The following HSPD1 variants were observed in gnomAD, a reference collection of about 807,000 sequenced individuals.
The protein encoded by HSPD1 is heat shock protein family D (Hsp60) member 1.
A neutral mutation model predicts 53.0 loss-of-function variants in HSPD1; 3 were observed. The observed-to-expected ratio is 0.06, with a 90% confidence interval of 0.03 to 0.15. HSPD1 has a LOEUF of 0.15. Ranked by LOEUF, HSPD1 falls within the 10% of genes least tolerant of loss-of-function variation. The pLI is 1.00. For missense variants in HSPD1, 431 were observed against 694.1 expected, an observed-to-expected ratio of 0.62 and a Z score of 4.26; for synonymous variants, 200 against 228.0, an observed-to-expected ratio of 0.88 and a Z score of 1.10.
intron 2 of HSPD1, among the ~76,000 whole-genome samples, chr2:197,498,360 C>T (rs2086186485): frequency 1.3e-5 from 2 of 152,314 alleles, no homozygotes; most frequent in Middle Eastern, 3.4e-3. Flanking sequence ...GCATGAACTA[C>T]TGGGAAAGGA....
intron 4 of HSPD1, 43 bp downstream of exon 4, chr2:197,495,251 A>G (rs1225165479): frequency 1.7e-6 from 2 of 1,158,928 alleles, no homozygotes; most frequent in East Asian, 2.3e-5. Context: ...CACACATGCC[A>G]TTAAATTTTT....
chr2:197,495,062 T>C (rs1001301186), intron 4 of HSPD1: 1 of 602,790 alleles, frequency 1.7e-6, no homozygotes, highest in African/African-American at 1.9e-5. Context: ...TTCACAATCA[T>C]ATGAATCCAT....
At chr2:197,500,120 G>T (rs2086228413), upstream of HSPD1, 1 of 460,232 alleles carries the variant, frequency 2.2e-6, no homozygotes, top group African/African-American at 2.0e-5. Context: ...GGGTCAAATC[G>T]CGTCATTTCC....
At chr2:197,497,447 T>C in intron 2 of HSPD1, 55 bp from the exon 3 acceptor site, 1 of 1,574,548 alleles carries the variant, frequency 6.4e-7, no homozygotes, top group Non-Finnish European at 8.7e-7. Context: ...ATTTACATTT[T>C]TAAAAATGAG....
chr2:197,496,230 G>A (rs1198861082), intron 3 of HSPD1, among the ~76,000 whole-genome samples: 2 of 152,088 alleles, frequency 1.3e-5, no homozygotes, highest in African/African-American at 4.8e-5. Flanking sequence ...AATAGTGCTA[G>A]CTCTCTTGTT....
intron 7 of HSPD1, among the ~76,000 whole-genome samples, chr2:197,492,103 G>C (rs2106074323): frequency 6.6e-6 from 1 of 152,366 alleles, no homozygotes; most frequent in East Asian, 1.9e-4. Flanking sequence ...GCTGCAGTGA[G>C]CTATGATCGT....
At position 197,494,744 on chromosome 2, in the gene HSPD1, C is replaced by T. The variant is rs764674576; in HGVS notation, c.519G>A (p.Thr173=). The change falls in exon 5 of 12, where the codon ACG becomes ACA. Residue 173 remains threonine, a synonymous_variant. Coordinates refer to ENST00000388968, the MANE Select transcript of HSPD1 (RefSeq NM_002156.5). ...TTTCTTTGTCTCCGTTTGCAGAAAT[C>T]GTAGCAACCTGAAATAATCCAGTTA... ...TTPEEIAQVA[T]ISANGDKEIG... is the part of the protein sequence containing the mutation. 1.2e-5 allele frequency: 20 copies of T among 1,608,006 alleles called. No homozygotes were observed. Among genetic ancestry groups the T allele is most frequent in the African/African-American group, 6.7e-5 (5 of 74,898 alleles).
intron 7 of HSPD1, 28 bp downstream of exon 7, chr2:197,493,296 T>TCTCC: frequency 6.3e-7 from 1 of 1,590,444 alleles, no homozygotes; most frequent in Non-Finnish European, 8.6e-7. Context: ...CCGAGAAATA[T>TCTCC]AAATCAACAA....
At chr2:197,498,640 A>G in intron 2 of HSPD1, 35 bp downstream of exon 2, 2 of 1,572,964 alleles carry the variant, frequency 1.3e-6, no homozygotes, top group Non-Finnish European at 1.8e-6. Context: ...GCTATTAATA[A>G]TACCGTAATT....
upstream of HSPD1, chr2:197,500,269 C>A (rs915509814): frequency 1.2e-6 from 1 of 865,646 alleles, no homozygotes; most frequent in Non-Finnish European, 1.8e-6. Context: ...CGGTGCGCGT[C>A]GGGGCGACCG....
At chr2:197,498,118 A>C (rs1272779627) in intron 2 of HSPD1, among the ~76,000 whole-genome samples, 2 of 152,208 alleles carry the variant, frequency 1.3e-5, no homozygotes, top group African/African-American at 4.8e-5. Flanking sequence ...GAGAATGGGA[A>C]GCTACTGTCT....
At chr2:197,498,570 C>T in intron 2 of HSPD1, 105 bp downstream of exon 2, 1 of 1,032,674 alleles carries the variant, frequency 9.7e-7, no homozygotes, top group Non-Finnish European at 1.5e-6. Flanking sequence ...ACTGAGTTCT[C>T]TCAAAAATGG....
chr2:197,496,348 G>A (rs1035929575), intron 3 of HSPD1, among the ~76,000 whole-genome samples: 4 of 152,180 alleles, frequency 2.6e-5, no homozygotes, highest in Non-Finnish European at 4.4e-5. Flanking sequence ...TTTTAGTGAA[G>A]TATATTCACT....
At chr2:197,495,478 TAAAA>T in intron 3 of HSPD1, 102 bp from the exon 4 acceptor site, 1 of 758,648 alleles carries the variant, frequency 1.3e-6, no homozygotes, top group African/African-American at 1.8e-5. Flanking sequence ...TGCCTTAACT[TAAAA>T]AAAAAAATTT....
intron 11 of HSPD1, among the ~76,000 whole-genome samples, 153 bp downstream of exon 11, chr2:197,487,705 T>C (rs927208298): frequency 3.9e-5 from 6 of 152,234 alleles, no homozygotes; most frequent in African/African-American, 1.4e-4. Flanking sequence ...GTGCTGGAAA[T>C]GTACATGAGA....
rs371942261 is a variant in HSPD1, at chr2:197,498,799, A to G, written c.50T>C (p.Val17Ala). Residue 17 changes from valine to alanine, a missense_variant, in exon 2 of 12, where the codon GTA (valine) becomes GCA (alanine). Around this residue, in one of 2 missense-constraint regions of HSPD1, gnomAD observed 45 missense variants for 36.5 expected, o/e 1.23. Transcript: ENST00000388968. ...VFRQMRPVSR[V>A]LAPHLTRAYA... Reference sequence around the variant, plus strand: ...AGCCCGAGTGAGATGAGGAGCCAGTACCCTGGACACCGGTCTCATCTGGCG... The same window carrying G: ...AGCCCGAGTGAGATGAGGAGCCAGTGCCCTGGACACCGGTCTCATCTGGCG... 1 of 1,614,224 alleles carries G rather than the reference A, an allele frequency of 6.2e-7. No individual in the cohort carries two copies. The highest frequency in any genetic ancestry group is 1.1e-5 in the South Asian group (1 of 91,090).
chr2:197,494,913 C>T (rs2086139229), intron 4 of HSPD1, 161 bp from the exon 5 acceptor site: 2 of 658,416 alleles, frequency 3.0e-6, no homozygotes, highest in East Asian at 5.5e-5. Flanking sequence ...GTTCTTTGCT[C>T]TTTTCCGATT....
intron 7 of HSPD1, 31 bp downstream of exon 7, chr2:197,493,293 A>T (rs1199944489): frequency 1.3e-6 from 2 of 1,582,108 alleles, no homozygotes; most frequent in African/African-American, 2.7e-5. Flanking sequence ...TCACCGAGAA[A>T]TATAAATCAA....
At chr2:197,496,886 G>A (rs754769031) in intron 3 of HSPD1, 2 of 486,222 alleles carry the variant, frequency 4.1e-6, no homozygotes, top group South Asian at 4.1e-5. Context: ...GTCCAGCCTG[G>A]GCTACAGAGC....
Sources: gnomAD v4.1 joint callset for allele counts (sites outside exome capture counted in the v4.1 genomes callset) on GRCh38, gnomAD v4.1.1 for gene constraint, gnomAD v4.1.1 regional missense constraint, MANE v1.5 for transcripts, NCBI Gene and HGNC (gene_info 2026-07-23, HGNC 2026-07-21) for gene names.